THRB: variants seen among roughly 807,000 people sequenced by gnomAD.
The protein encoded by THRB is nuclear receptor subfamily 1 group A member 2.
Under a neutral mutation model 47.8 loss-of-function variants are expected in THRB, and 12 were observed. The observed-to-expected ratio is 0.25, with a 90% CI of 0.16 to 0.41. The LOEUF is 0.41. Among genes scored for constraint, THRB ranks in the 10% least tolerant of loss-of-function variants. The pLI, the probability that THRB is intolerant of heterozygous loss-of-function variation, is 1.00. For synonymous variants in THRB, 218 were observed against 212.2 expected (o/e 1.03, Z -0.24); for missense variants, 348 against 589.2 (o/e 0.59, Z 4.24).
At position 24,417,505 on chromosome 3, in the gene THRB, T is replaced by C. The variant is rs574902037; in HGVS notation, c.-261+77147A>G. ...CTTTATCAAGGACCTTTTAGGACGA[T>C]TGATGTATGATGACCTTGGAATGTG... On this transcript the variant is annotated intron_variant, in intron 1 of 10. Transcript: ENST00000646209. Among the ~76,000 whole-genome samples, 3 of 152,048 alleles carry C rather than the reference T, an allele frequency of 2.0e-5. No individual in the cohort carries two copies. The East Asian group carries it at 5.9e-4, about 30-fold the overall frequency.
At chr3:24,218,342 CTTT>C (rs869304743) in intron 4 of THRB, among the ~76,000 whole-genome samples, 63 of 117,222 alleles carry the variant, frequency 5.4e-4, no homozygotes, top group Admixed American at 1.1e-3. Context: ...CTCTCTCTCT[CTTT>C]TTTTTTTTTT....
chr3:24,445,861 C>T (rs1485564478), intron 1 of THRB, among the ~76,000 whole-genome samples: 2 of 152,142 alleles, frequency 1.3e-5, no homozygotes, highest in South Asian at 2.1e-4. Context: ...CATAGACGTA[C>T]ATCCAAAAGT....
In THRB at chr3:24,121,943, C is replaced by G. The variant is rs1183048238; in HGVS notation, c.*941G>C. On this transcript the variant is annotated 3_prime_UTR_variant, in exon 11 of 11. Coordinates refer to ENST00000646209, the MANE Select transcript of THRB (RefSeq NM_001354712.2). Reference sequence around the variant, plus strand: ...TCTTTCCTTGATTAGAATATTTGATCCATAGAGAAATCTGTTGTCAGCTCA... The same window carrying G: ...TCTTTCCTTGATTAGAATATTTGATGCATAGAGAAATCTGTTGTCAGCTCA... 3.9e-5 allele frequency: 6 copies of G among 152,696 alleles called. No individual in the cohort carries two copies. The East Asian group carries it at 1.2e-3, about 30-fold the overall frequency. The allele number at this position is 152,696 out of a possible 1,614,324, so 9.5% of individuals were successfully genotyped here.
At chr3:24,459,577 C>A (rs1287191231) in intron 1 of THRB, 1 of 152,208 alleles carries the variant, frequency 6.6e-6, no homozygotes, top group Non-Finnish European at 1.5e-5. Context: ...TACACCCCCA[C>A]CAACAGTGTG....
intron 3 of THRB, among the ~76,000 whole-genome samples, chr3:24,247,253 A>T (rs1370824115): frequency 6.6e-6 from 1 of 152,258 alleles, no homozygotes; most frequent in Non-Finnish European, 1.5e-5. Flanking sequence ...ACGGTTTCCT[A>T]AAAAGTAAGA....
chr3:24,396,628 T>G (rs900602300), intron 1 of THRB, among the ~76,000 whole-genome samples: 4 of 152,094 alleles, frequency 2.6e-5, no homozygotes, highest in Non-Finnish European at 2.9e-5. Context: ...CGCTCTAAAC[T>G]AGGGCCTCCG....
rs1267297008 is a variant in THRB, at chr3:24,165,525, T to C, written c.284-13035A>G. The C allele has an allele frequency of 3.0e-5, 17 of 575,920 alleles. No homozygotes were observed. The East Asian group carries it at 4.2e-4, about 14-fold the overall frequency. 35.7% of individuals were successfully genotyped at this position (575,920 alleles called of 1,614,324 possible). ...CCACCACCAACACAGCAACCCAGCC[T>C]GCTTTACTTTGTAATAGCACCTGAT... On this transcript the variant is annotated intron_variant, in intron 5 of 10. Transcript: ENST00000646209.
rs557984685 is a variant in THRB at position 24,479,032 on chromosome 3, T to C, written c.-261+15620A>G. ...CCTATAATGCGGCCGGGCGCGGGGG[T>C]TAACGCCTGTAATCCCAGCACTTTG... On this transcript the variant is annotated intron_variant, in intron 1 of 10. Transcript: ENST00000646209. Among the ~76,000 whole-genome samples the C allele has an allele frequency of 4.0e-5, 6 of 151,786 alleles. No individual in the cohort carries two copies. The East Asian group carries it at 7.8e-4, about 20-fold the overall frequency.
At chr3:24,335,161 T>C (rs1345772739) in intron 2 of THRB, among the ~76,000 whole-genome samples, 2 of 152,172 alleles carry the variant, frequency 1.3e-5, no homozygotes, top group East Asian at 3.9e-4. Context: ...GGTGCCTCTC[T>C]AAACCTCCTG....
chr3:24,123,031 G>A lies in THRB; in HGVS notation c.1239C>T (p.His413=), dbSNP rs562616798. The A allele has an allele frequency of 9.9e-6, 16 of 1,614,144 alleles. No homozygotes were observed. The highest frequency in any genetic ancestry group is 1.6e-4 in the Middle Eastern group (1 of 6,062). ...GGAGTTTTGGCCAAAAGTGTGTCACGTGGTGTTTTCGGTAATTGATATAGT... is the reference window on the plus strand; with the variant it reads ...GGAGTTTTGGCCAAAAGTGTGTCACATGGTGTTTTCGGTAATTGATATAGT... ...FEHYINYRKH[H]VTHFWPKLLM... The change falls in exon 11 of 11, where the codon CAC becomes CAT. Residue 413 remains histidine (H), a synonymous_variant. Coordinates refer to ENST00000646209, the MANE Select transcript of THRB (RefSeq NM_001354712.2).
At chr3:24,181,696 T>C (rs974866967) in intron 5 of THRB, among the ~76,000 whole-genome samples, 3 of 151,598 alleles carry the variant, frequency 2.0e-5, no homozygotes, top group Non-Finnish European at 4.4e-5. Flanking sequence ...ACAGTATTAC[T>C]TGTTACTTGG....
At chr3:24,413,422 A>C (rs915969257) in intron 1 of THRB, among the ~76,000 whole-genome samples, 2 of 151,842 alleles carry the variant, frequency 1.3e-5, no homozygotes, top group Non-Finnish European at 2.9e-5. Context: ...AAAAGGGAGA[A>C]TATGTTTATA....
intron 1 of THRB, among the ~76,000 whole-genome samples, chr3:24,359,786 A>AC (rs1377034824): frequency 6.6e-6 from 1 of 152,152 alleles, no homozygotes; most frequent in Non-Finnish European, 1.5e-5. Context: ...CCTCAGCATG[A>AC]CTTTGGCTTT....
At chr3:24,330,231 C>G (rs1215531261) in intron 2 of THRB, among the ~76,000 whole-genome samples, 1 of 152,016 alleles carries the variant, frequency 6.6e-6, no homozygotes, top group Non-Finnish European at 1.5e-5. Flanking sequence ...GGCGTGAACC[C>G]GGGAAGCGGA....
At chr3:24,205,202 C>T (rs1217593986) in intron 4 of THRB, among the ~76,000 whole-genome samples, 1 of 152,146 alleles carries the variant, frequency 6.6e-6, no homozygotes, top group Non-Finnish European at 1.5e-5. Context: ...ACATAATTGT[C>T]AGATTCACCA....
chr3:24,378,354 G>A (rs961710458), intron 1 of THRB, among the ~76,000 whole-genome samples: 3 of 152,082 alleles, frequency 2.0e-5, no homozygotes, highest in Non-Finnish European at 2.9e-5. Flanking sequence ...CACCAGAAAC[G>A]CTAATAAATC....
chr3:24,118,860 G>C lies in THRB; in HGVS notation c.*4024C>G, dbSNP rs569455707. 1 of 152,552 alleles carries C rather than the reference G, an allele frequency of 6.6e-6. No individual in the cohort carries two copies. Among genetic ancestry groups the C allele is most frequent in the East Asian group, 1.9e-4 (1 of 5,192 alleles). The allele number at this position is 152,552 out of a possible 1,614,324, so 9.4% of individuals were successfully genotyped here. A position where few individuals can be genotyped will look rare whatever the true frequency, so the allele number is the denominator to read the frequency against. Reference sequence around the variant, plus strand: ...CCTGCACAATATTGCTCTTGAAGGCGGCATTAATTAATGTGGAAACACACT... The same window carrying C: ...CCTGCACAATATTGCTCTTGAAGGCCGCATTAATTAATGTGGAAACACACT... On this transcript the variant is annotated 3_prime_UTR_variant, in exon 11 of 11. Coordinates refer to ENST00000646209, the MANE Select transcript of THRB (RefSeq NM_001354712.2).
At chr3:24,188,883 A>ATATATATATATATATATT (rs1447765738) in intron 5 of THRB, among the ~76,000 whole-genome samples, 3 of 143,172 alleles carry the variant, frequency 2.1e-5, no homozygotes, top group Non-Finnish European at 4.5e-5. Flanking sequence ...ATATATATAT[A>ATATATATATATATATATT]TGAGAGAAAG....
chr3:24,301,611 T>C (rs369936466), intron 2 of THRB, among the ~76,000 whole-genome samples: 1 of 152,208 alleles, frequency 6.6e-6, no homozygotes, highest in Non-Finnish European at 1.5e-5. Flanking sequence ...GTATTGATTA[T>C]AAACATTTCC....
Sources: gnomAD v4.1 joint callset for allele counts (sites outside exome capture counted in the v4.1 genomes callset) on GRCh38, gnomAD v4.1.1 for gene constraint, MANE v1.5 for transcripts, NCBI Gene and HGNC (gene_info 2026-07-23, HGNC 2026-07-21) for gene names.